The following CD226 variants were observed in gnomAD, a reference collection of about 807,000 sequenced individuals.
The protein encoded by CD226 is CD226 molecule.
Under a neutral mutation model 34.9 loss-of-function variants are expected in CD226, and 24 were observed. The ratio of observed to expected loss-of-function variants is 0.69; its 90% CI spans 0.50 to 0.97. The LOEUF is 0.97. Ranked by LOEUF, CD226 falls within the 50% of genes least tolerant of loss-of-function variation. The pLI, the probability that CD226 is intolerant of heterozygous loss-of-function variation, is 0.00. For synonymous variants in CD226, 148 were observed against 147.4 expected (o/e 1.00, Z -0.03); for missense variants, 397 against 412.7 (o/e 0.96, Z 0.33).
At chr18:69,886,922 G>A (rs1275919405) in intron 3 of CD226, among the ~76,000 whole-genome samples, 1 of 151,924 alleles carries the variant, frequency 6.6e-6, no homozygotes, top group African/African-American at 2.4e-5. Context: ...AATTCCCTAA[G>A]TGCTCTACAA....
chr18:69,937,033 C>T (rs767848493), intron 2 of CD226, among the ~76,000 whole-genome samples: 1 of 152,074 alleles, frequency 6.6e-6, no homozygotes, highest in Non-Finnish European at 1.5e-5. Context: ...TTCTTCCTTC[C>T]TTCTGAATTT....
intron 2 of CD226, among the ~76,000 whole-genome samples, chr18:69,925,726 C>T (rs902619349): frequency 3.3e-5 from 5 of 152,242 alleles, no homozygotes; most frequent in Non-Finnish European, 5.9e-5. Context: ...ACTCCAGTCT[C>T]GCTCCCATAT....
intron 2 of CD226, among the ~76,000 whole-genome samples, chr18:69,913,857 A>T (rs2055355305): frequency 6.6e-6 from 1 of 152,168 alleles, no homozygotes; most frequent in African/African-American, 2.4e-5. Flanking sequence ...AGAATTGGAG[A>T]ATTATAGACA....
intron 2 of CD226, among the ~76,000 whole-genome samples, chr18:69,932,624 G>A (rs1170357951): frequency 1.3e-5 from 2 of 152,092 alleles, no homozygotes; most frequent in Non-Finnish European, 2.9e-5. Context: ...TTGCTTTTGC[G>A]CCATTAGCAT....
chr18:69,953,327 GTGAA>G (rs768318233), intron 1 of CD226, among the ~76,000 whole-genome samples: 16 of 152,184 alleles, frequency 1.1e-4, no homozygotes, highest in Admixed American at 6.5e-4. Context: ...CTGCCAACAG[GTGAA>G]TGAATGAATG....
At chr18:69,927,595 T>A (rs550880839) in intron 2 of CD226, among the ~76,000 whole-genome samples, 2 of 152,248 alleles carry the variant, frequency 1.3e-5, no homozygotes, top group South Asian at 4.1e-4. Context: ...TGAATTTGAC[T>A]CCTCTGTGTA....
At chr18:69,953,249 A>G (rs1363340257) in intron 1 of CD226, among the ~76,000 whole-genome samples, 1 of 152,238 alleles carries the variant, frequency 6.6e-6, no homozygotes, top group African/African-American at 2.4e-5. Flanking sequence ...ACTCAAACCA[A>G]TATTTGTAGA....
chr18:69,875,739 C>T (rs1320899258), intron 3 of CD226, among the ~76,000 whole-genome samples: 2 of 152,188 alleles, frequency 1.3e-5, no homozygotes, highest in African/African-American at 4.8e-5. Flanking sequence ...TGCTCTTTTG[C>T]TGTGAAATCC....
At chr18:69,948,117 T>C (rs539119733), upstream of CD226, among the ~76,000 whole-genome samples, 2 of 152,324 alleles carry the variant, frequency 1.3e-5, no homozygotes, top group Admixed American at 1.3e-4. Flanking sequence ...AGAGTCACAG[T>C]AAGTCACAAA....
chr18:69,930,946 C>T (rs140492013), intron 2 of CD226, among the ~76,000 whole-genome samples: 169 of 152,230 alleles, frequency 1.1e-3, no homozygotes, highest in African/African-American at 3.6e-3. Flanking sequence ...ACAAACACTG[C>T]GGCACTATTC....
At chr18:69,902,993 T>G (rs1365141892) in intron 2 of CD226, among the ~76,000 whole-genome samples, 1 of 152,104 alleles carries the variant, frequency 6.6e-6, no homozygotes, top group Non-Finnish European at 1.5e-5. Flanking sequence ...TAAGGAGGTC[T>G]CCTAAAGTGC....
Position 69,895,813 on chromosome 18 carries a change from G to A in CD226, c.615C>T (p.Ser205=), listed in dbSNP as rs771408474. 2.3e-5 allele frequency: 37 copies of A among 1,613,962 alleles called. 1 individual carries two copies. Among genetic ancestry groups the A allele is most frequent in the South Asian group, 1.3e-4 (12 of 91,080 alleles). ...IVSNCSHGRW[S]VIVIPDVTVS... is the part of the protein sequence containing the mutation. ...CTGTGACATCGGGGATGACGATGAC[G>A]CTCCACCTTCCGTGGCTGCAGTTGC... Residue 205 remains serine, a synonymous_variant, in exon 3 of 6, where the codon AGC becomes AGT. Transcript: ENST00000582621.
At chr18:69,891,579 A>G (rs1279849118) in intron 3 of CD226, among the ~76,000 whole-genome samples, 1 of 152,226 alleles carries the variant, frequency 6.6e-6, no homozygotes, top group Non-Finnish European at 1.5e-5. Context: ...TCATATATGT[A>G]TAAAACCCTA....
At chr18:69,910,415 C>G (rs930152210) in intron 2 of CD226, among the ~76,000 whole-genome samples, 6 of 152,176 alleles carry the variant, frequency 3.9e-5, no homozygotes, top group African/African-American at 7.2e-5. Flanking sequence ...ATTCCATATT[C>G]CCAGTCTAAT....
At chr18:69,895,294 A>T (rs775577499) in intron 3 of CD226, among the ~76,000 whole-genome samples, 11 of 152,198 alleles carry the variant, frequency 7.2e-5, no homozygotes, top group Non-Finnish European at 1.6e-4. Context: ...CAGCCATATC[A>T]ACCTAGCACT....
upstream of CD226, chr18:69,961,747 C>T (rs894500986): frequency 6.6e-6 from 1 of 152,216 alleles, no homozygotes; most frequent in Admixed American, 6.5e-5. Context: ...GACTCCAGAC[C>T]TCAAGCATCA....
At chr18:69,940,032 G>A (rs1483198506) in intron 2 of CD226, among the ~76,000 whole-genome samples, 2 of 152,194 alleles carry the variant, frequency 1.3e-5, no homozygotes, top group Non-Finnish European at 2.9e-5. Flanking sequence ...GGAGATAACT[G>A]AATCATGGGG....
At position 69,872,570 on chromosome 18, in the gene CD226, T is replaced by C. The variant is rs546213601; in HGVS notation, c.830+574A>G. On this transcript the variant is annotated intron_variant, in intron 4 of 5. Coordinates refer to ENST00000582621, the MANE Select transcript of CD226 (RefSeq NM_001303618.2). The stretch of plus-strand genomic sequence containing the variant: ...CCAGCCAATAAAAGATTAAAAAAAA[T>C]TTAGTATAGGCCAAATGGCTCCCTG... Among the ~76,000 whole-genome samples, 5 of 152,164 alleles carry C rather than the reference T, an allele frequency of 3.3e-5. No homozygotes were observed. In the South Asian group the frequency reaches 1.0e-3, roughly 32 times the overall value.
At position 69,867,308 on chromosome 18, in the gene CD226, G is replaced by A. The variant is rs1373254205; in HGVS notation, c.885+49C>T. 3 of 1,216,050 alleles carry A rather than the reference G, an allele frequency of 2.5e-6. No individual in the cohort carries two copies. In the Admixed American group the frequency reaches 5.1e-5, roughly 21 times the overall value. The allele number at this position is 1,216,050 out of a possible 1,614,324, so 75.3% of individuals were successfully genotyped here. A position where few individuals can be genotyped will look rare whatever the true frequency, so the allele number is the denominator to read the frequency against. ...GCTAACTGCAAAAGAGACTGACTTTGCATCTGTAAATTACAAAAGAAAAAA... is the reference window on the plus strand; with the variant it reads ...GCTAACTGCAAAAGAGACTGACTTTACATCTGTAAATTACAAAAGAAAAAA... On this transcript the variant is annotated intron_variant, in intron 5 of 5. Coordinates refer to ENST00000582621, the MANE Select transcript of CD226 (RefSeq NM_001303618.2).
Sources: gnomAD v4.1 joint callset for allele counts (sites outside exome capture counted in the v4.1 genomes callset) on GRCh38, gnomAD v4.1.1 for gene constraint, MANE v1.5 for transcripts, NCBI Gene and HGNC (gene_info 2026-07-23, HGNC 2026-07-21) for gene names.